Variants in ILDR1 observed in about 807,000 individuals in gnomAD.
ILDR1 encodes the protein immunoglobulin like domain containing receptor 1.
A neutral mutation model predicts 62.4 loss-of-function variants in ILDR1; 56 were observed. The observed-to-expected ratio is 0.90, with a 90% CI of 0.72 to 1.12. The LOEUF (loss-of-function observed/expected upper bound fraction) is 1.12, where lower values mean the gene tolerates loss of function less well. Ranked by LOEUF, ILDR1 falls within the 50% of genes most tolerant of loss-of-function variation. The pLI is 0.00. For synonymous variants in ILDR1, 284 were observed against 277.8 expected (o/e 1.02, Z -0.22); for missense variants, 736 against 710.6 (o/e 1.04, Z -0.41).
the ILDR1 span, among the ~76,000 whole-genome samples, chr3:122,047,693 C>A: frequency 6.6e-6 from 1 of 152,214 alleles, no homozygotes; most frequent in Non-Finnish European, 1.5e-5. Context: ...GCGTCTGTCA[C>A]CCCTTTCTTT....
At chr3:122,044,245 C>A in the ILDR1 span, among the ~76,000 whole-genome samples, 3 of 48,778 alleles carry the variant, frequency 6.2e-5, no homozygotes, top group Non-Finnish European at 1.2e-4. Context: ...ATTGAACCAG[C>A]CTTGCATCCC....
At chr3:122,035,240 A>G in the ILDR1 span, among the ~76,000 whole-genome samples, 1 of 152,046 alleles carries the variant, frequency 6.6e-6, no homozygotes, top group Non-Finnish European at 1.5e-5. Flanking sequence ...CCACTGGGGG[A>G]GGAAAACAAG....
the ILDR1 span, among the ~76,000 whole-genome samples, chr3:122,050,314 G>C: frequency 2.6e-5 from 4 of 152,044 alleles, no homozygotes; most frequent in African/African-American, 9.7e-5. Context: ...TTTGTTTTTT[G>C]TGTTGTAGCT....
intron 5 of ILDR1, among the ~76,000 whole-genome samples, chr3:121,998,505 G>A (rs1297514118): frequency 6.6e-6 from 1 of 152,100 alleles, no homozygotes; most frequent in Non-Finnish European, 1.5e-5. Flanking sequence ...TACATTTCTT[G>A]ATTTTACTAG....
At chr3:122,011,024 G>C (rs892282910) in intron 1 of ILDR1, among the ~76,000 whole-genome samples, 1 of 152,046 alleles carries the variant, frequency 6.6e-6, no homozygotes, top group Non-Finnish European at 1.5e-5. Context: ...TCTCAGCTTG[G>C]CTATTCTTTA....
intron 7 of ILDR1, among the ~76,000 whole-genome samples, chr3:121,992,202 T>A (rs1383637665): frequency 6.6e-6 from 1 of 152,206 alleles, no homozygotes; most frequent in African/African-American, 2.4e-5. Flanking sequence ...AATGGCACGA[T>A]CTCAGCTCAC....
chr3:122,000,467 G>T (rs1390478335), intron 5 of ILDR1, among the ~76,000 whole-genome samples: 1 of 152,178 alleles, frequency 6.6e-6, no homozygotes, highest in African/African-American at 2.4e-5. Context: ...ACCTGGAGAG[G>T]ACATGGAAGC....
chr3:122,027,821 T>C, the ILDR1 span, among the ~76,000 whole-genome samples: 1 of 152,046 alleles, frequency 6.6e-6, no homozygotes, highest in African/African-American at 2.4e-5. Context: ...TTCTAGAAAA[T>C]TATTGAACCT....
chr3:122,006,024 T>G (rs1385215776), intron 2 of ILDR1, among the ~76,000 whole-genome samples: 1 of 152,176 alleles, frequency 6.6e-6, no homozygotes, highest in African/African-American at 2.4e-5. Context: ...CTCTCCTCCC[T>G]GGCCACTTAA....
chr3:122,007,300 T>A, intron 1 of ILDR1, 139 bp from the exon 2 acceptor site: 1 of 1,545,468 alleles, frequency 6.5e-7, no homozygotes, highest in Non-Finnish European at 8.7e-7. Flanking sequence ...TCTGGGTTCT[T>A]ACTCACCTGG....
At chr3:122,040,070 T>A in the ILDR1 span, among the ~76,000 whole-genome samples, 1 of 152,014 alleles carries the variant, frequency 6.6e-6, no homozygotes, top group African/African-American at 2.4e-5. Context: ...AAGAGTATGA[T>A]ACATAATTGC....
Position 122,022,079 on chromosome 3 carries a change from C to A in ILDR1, c.-2G>T, listed in dbSNP as rs774007293. On this transcript the variant is annotated 5_prime_UTR_variant, in exon 1 of 8. Transcript: ENST00000344209. The stretch of plus-strand genomic sequence containing the variant: ...TGCGGGCAGTTTGGGCCATGCCATG[C>A]CGCCCCCTTTCTGGCCCTTTTCAGC... The A allele has an allele frequency of 2.1e-5, 33 of 1,605,688 alleles. No individual in the cohort carries two copies. The highest frequency in any genetic ancestry group is 1.5e-5 in the Non-Finnish European group (18 of 1,175,926).
At chr3:122,042,082 A>G in the ILDR1 span, among the ~76,000 whole-genome samples, 1 of 94,928 alleles carries the variant, frequency 1.1e-5, no homozygotes, top group South Asian at 4.6e-4. Context: ...CCACCCCACC[A>G]CAGTCCCCAG....
At position 121,994,295 on chromosome 3, in the gene ILDR1, T is replaced by G; in HGVS notation, c.665A>C (p.Tyr222Ser). Residue 222 changes from tyrosine to serine, a missense_variant, in exon 6 of 8, where the codon TAC becomes TCC. Physicochemically the swap from Tyr to Ser is moderately radical, Grantham distance 144. Transcript: ENST00000344209. Reference protein sequence around the residue: ...CPEEALARHRYMKQAQALGPQ... With the variant: ...CPEEALARHRSMKQAQALGPQ... Reference sequence around the variant, plus strand: ...ACCTAGGGCCTGGGCCTGCTTCATGTAGCGGTGGCGGGCCAGGGCTGCAGG... The same window carrying G: ...ACCTAGGGCCTGGGCCTGCTTCATGGAGCGGTGGCGGGCCAGGGCTGCAGG... 1 of 1,535,430 alleles carries G rather than the reference T, an allele frequency of 6.5e-7. No homozygotes were observed. The highest frequency in any genetic ancestry group is 8.7e-7 in the Non-Finnish European group (1 of 1,146,374).
chr3:122,052,438 A>G, the ILDR1 span, among the ~76,000 whole-genome samples: 1 of 152,096 alleles, frequency 6.6e-6, no homozygotes, highest in Non-Finnish European at 1.5e-5. Context: ...GGACAGCAAT[A>G]TATCACCCAG....
At chr3:122,021,507 G>A (rs2071854590) in intron 1 of ILDR1, among the ~76,000 whole-genome samples, 1 of 152,214 alleles carries the variant, frequency 6.6e-6, no homozygotes, top group African/African-American at 2.4e-5. Context: ...AGAGAAAGTA[G>A]AAAAGTGACA....
the ILDR1 span, among the ~76,000 whole-genome samples, chr3:122,052,602 G>A: frequency 1.3e-5 from 2 of 152,142 alleles, no homozygotes; most frequent in African/African-American, 4.8e-5. Flanking sequence ...GAGACGGAGC[G>A]TCGCTTCTTC....
chr3:122,030,258 G>A, the ILDR1 span, among the ~76,000 whole-genome samples: 1 of 152,116 alleles, frequency 6.6e-6, no homozygotes, highest in Non-Finnish European at 1.5e-5. Context: ...CAGAGAAGAG[G>A]TTCAAGTCCT....
the ILDR1 span, among the ~76,000 whole-genome samples, chr3:122,044,832 T>C: frequency 1.3e-5 from 2 of 152,132 alleles, no homozygotes; most frequent in East Asian, 1.9e-4. Flanking sequence ...GTCTTGCTAG[T>C]GGTCTATCAA....
Sources: gnomAD v4.1 joint callset for allele counts (sites outside exome capture counted in the v4.1 genomes callset) on GRCh38, gnomAD v4.1.1 for gene constraint, MANE v1.5 for transcripts, NCBI Gene and HGNC (gene_info 2026-07-23, HGNC 2026-07-21) for gene names.